The following PHLPP1 variants were observed in gnomAD, a reference collection of about 807,000 sequenced individuals.
PHLPP1 encodes the protein PH domain leucine-rich repeat-containing protein phosphatase 1.
In PHLPP1, 42 loss-of-function variants were observed where a neutral mutation model predicts 117.2. That is an observed-to-expected ratio of 0.36 (90% CI 0.28 to 0.46). PHLPP1 has a LOEUF of 0.46. PHLPP1 is among the 20% of genes least tolerant of loss of function. The pLI is 1.00. For missense variants in PHLPP1, 2,084 were observed against 2,241.9 expected, an observed-to-expected ratio of 0.93 and a Z score of 1.42; for synonymous variants, 1,042 against 970.7, an observed-to-expected ratio of 1.07 and a Z score of -1.37.
chr18:62,808,638 G>A (rs142620997), intron 1 of PHLPP1, among the ~76,000 whole-genome samples: 56 of 150,720 alleles, frequency 3.7e-4, no homozygotes, highest in African/African-American at 1.0e-3. Context: ...CTGCACCTCC[G>A]CCTCCTGGGT....
chr18:62,792,143 A>G (rs1475562753), intron 1 of PHLPP1, among the ~76,000 whole-genome samples: 4 of 152,326 alleles, frequency 2.6e-5, no homozygotes, highest in African/African-American at 9.6e-5. Flanking sequence ...AGTGACTGCT[A>G]TGGAAATAGG....
At chr18:62,879,521 C>T (rs1916125226) in intron 4 of PHLPP1, among the ~76,000 whole-genome samples, 1 of 152,110 alleles carries the variant, frequency 6.6e-6, no homozygotes, top group Admixed American at 6.5e-5. Flanking sequence ...AAGCGATTCT[C>T]CCACCTCCGC....
At chr18:62,955,215 G>T (rs994197973) in intron 12 of PHLPP1, among the ~76,000 whole-genome samples, 3 of 152,214 alleles carry the variant, frequency 2.0e-5, no homozygotes, top group African/African-American at 7.2e-5. Flanking sequence ...CATGTCACAT[G>T]CATGAGCTGC....
intron 4 of PHLPP1, among the ~76,000 whole-genome samples, chr18:62,877,823 C>T (rs1916086042): frequency 2.6e-5 from 4 of 152,154 alleles, no homozygotes; most frequent in South Asian, 4.1e-4. Flanking sequence ...CTAATGCTGC[C>T]GACCTAATTT....
chr18:62,799,545 G>A (rs1913717791), intron 1 of PHLPP1, among the ~76,000 whole-genome samples: 1 of 152,198 alleles, frequency 6.6e-6, no homozygotes, highest in South Asian at 2.1e-4. Context: ...TGTTTAAGGT[G>A]CACAGCTAAA....
At chr18:62,826,370 TTG>T in intron 1 of PHLPP1, 1 of 291,610 alleles carries the variant, frequency 3.4e-6, no homozygotes, top group Non-Finnish European at 7.0e-6. Context: ...AAGCATCTAT[TTG>T]TGGTTGCGGA....
intron 1 of PHLPP1, among the ~76,000 whole-genome samples, chr18:62,828,102 A>G (rs1914658890): frequency 6.6e-6 from 1 of 151,202 alleles, no homozygotes; most frequent in Admixed American, 6.6e-5. Flanking sequence ...GAGTTTGGAA[A>G]CCCAGTTGCC....
At position 62,749,942 on chromosome 18, in the gene PHLPP1, G is replaced by A. The variant is rs138868918; in HGVS notation, c.1576+32683G>A. 1.1e-4 allele frequency among the ~76,000 whole-genome samples: 16 copies of A among 152,264 alleles called. No individual in the cohort carries two copies. The East Asian group carries it at 2.1e-3, about 20-fold the overall frequency. On this transcript the variant is annotated intron_variant, in intron 1 of 16. Coordinates refer to ENST00000262719, the MANE Select transcript of PHLPP1 (RefSeq NM_194449.4). Reference sequence around the variant, plus strand: ...GAGACGGGAGAATCTCTTAAACCCCGGAGGCGGAGATTGCAGTGAGCCAAG... The same window carrying A: ...GAGACGGGAGAATCTCTTAAACCCCAGAGGCGGAGATTGCAGTGAGCCAAG...
At chr18:62,746,820 T>A (rs1474865905) in intron 1 of PHLPP1, among the ~76,000 whole-genome samples, 6 of 152,126 alleles carry the variant, frequency 3.9e-5, no homozygotes, top group Admixed American at 2.0e-4. Context: ...TAAAAAAAAG[T>A]TTGCTGGTGC....
intron 1 of PHLPP1, among the ~76,000 whole-genome samples, chr18:62,742,454 G>T (rs1206846249): frequency 6.6e-6 from 1 of 151,570 alleles, no homozygotes; most frequent in African/African-American, 2.4e-5. Flanking sequence ...TTTTTTTTGA[G>T]ATGGAGTCTT....
At chr18:62,857,509 A>G (rs1453514471) in intron 3 of PHLPP1, among the ~76,000 whole-genome samples, 2 of 152,200 alleles carry the variant, frequency 1.3e-5, no homozygotes, top group African/African-American at 2.4e-5. Context: ...TTCAGCAGAT[A>G]GGACACTCAG....
chr18:62,937,747 C>T (rs919390388), intron 10 of PHLPP1, among the ~76,000 whole-genome samples: 1 of 152,156 alleles, frequency 6.6e-6, no homozygotes, highest in Non-Finnish European at 1.5e-5. Flanking sequence ...TGCAGTGGCT[C>T]ACACCTGTAG....
chr18:62,749,017 A>G (rs1911762123), intron 1 of PHLPP1, among the ~76,000 whole-genome samples: 1 of 152,128 alleles, frequency 6.6e-6, no homozygotes, highest in Non-Finnish European at 1.5e-5. Context: ...CATTTCTTCA[A>G]CATCCTTTCT....
chr18:62,765,300 G>T (rs1482011925), intron 1 of PHLPP1, among the ~76,000 whole-genome samples: 1 of 152,112 alleles, frequency 6.6e-6, no homozygotes, highest in East Asian at 1.9e-4. Flanking sequence ...TCTCATTACT[G>T]TCAGAGTTCT....
rs201801818 is a variant in PHLPP1 at position 62,979,077 on chromosome 18, C to T, written c.4800C>T (p.Asn1600=). Residue 1600 remains asparagine, a synonymous_variant, in exon 17 of 17, where the codon AAC becomes AAT. Coordinates refer to ENST00000262719, the MANE Select transcript of PHLPP1 (RefSeq NM_194449.4). ...ASDEGIVISA[N]EDEPGLPRKA... ...ATGAGGGCATTGTCATCAGCGCCAACGAGGATGAGCCAGGTCTGCCCAGGA... is the reference window on the plus strand; with the variant it reads ...ATGAGGGCATTGTCATCAGCGCCAATGAGGATGAGCCAGGTCTGCCCAGGA... 2.4e-5 allele frequency: 39 copies of T among 1,613,732 alleles called. No individual in the cohort carries two copies. In the Admixed American group the frequency reaches 2.8e-4, roughly 12 times the overall value.
At chr18:62,782,486 C>G (rs1025869266) in intron 1 of PHLPP1, among the ~76,000 whole-genome samples, 4 of 152,160 alleles carry the variant, frequency 2.6e-5, no homozygotes, top group African/African-American at 9.7e-5. Context: ...TAATGGGGCT[C>G]TCTCTGCCAT....
intron 1 of PHLPP1, among the ~76,000 whole-genome samples, chr18:62,726,740 C>T (rs796330486): frequency 4.0e-5 from 6 of 151,254 alleles, no homozygotes; most frequent in African/African-American, 1.5e-4. Context: ...CCTGCCACCA[C>T]GCTCAGCTAA....
At chr18:62,814,722 T>G (rs1736568009) in intron 1 of PHLPP1, among the ~76,000 whole-genome samples, 1 of 152,234 alleles carries the variant, frequency 6.6e-6, no homozygotes, top group African/African-American at 2.4e-5. Context: ...ACTTTCACTC[T>G]CTTACATTTT....
At chr18:62,947,220 A>T (rs1910322614) in intron 12 of PHLPP1, among the ~76,000 whole-genome samples, 1 of 152,230 alleles carries the variant, frequency 6.6e-6, no homozygotes, top group Admixed American at 6.5e-5. Flanking sequence ...AAAGAAAAGA[A>T]TTGGTACTTC....
Sources: gnomAD v4.1 joint callset for allele counts (sites outside exome capture counted in the v4.1 genomes callset) on GRCh38, gnomAD v4.1.1 for gene constraint, MANE v1.5 for transcripts, NCBI Gene and HGNC (gene_info 2026-07-23, HGNC 2026-07-21) for gene names.